C4orf17: variants seen among roughly 807,000 people sequenced by gnomAD.
C4orf17 encodes the protein chromosome 4 open reading frame 17, also known as uncharacterized protein C4orf17.
In C4orf17, 25 loss-of-function variants were observed where a neutral mutation model predicts 32.0. That is an observed-to-expected ratio of 0.78 (90% confidence interval 0.57 to 1.09). The LOEUF (loss-of-function observed/expected upper bound fraction) is 1.09, where lower values mean the gene tolerates loss of function less well. C4orf17 is among the 50% of genes least tolerant of loss of function. The pLI is 0.00. For synonymous variants in C4orf17, 149 were observed against 145.8 expected (o/e 1.02, Z -0.16); for missense variants, 420 against 420.0 (o/e 1.00, Z 0.00).
Position 99,518,575 on chromosome 4 carries a change from AGAGAGAGAGGGAGG to A in C4orf17, c.128-3920_128-3907del, listed in dbSNP as rs1396384525. The stretch of plus-strand genomic sequence containing the variant: ...GAGAGAGAGAGAGAGAGAGAGAGAG[AGAGAGAGAGGGAGG>A]GAGACAGAGAGAGAGAGAGACTGTT... On this transcript the variant is annotated intron_variant, in intron 2 of 8. Transcript: ENST00000326581. 1.1e-3 allele frequency among the ~76,000 whole-genome samples: 135 copies of A among 125,804 alleles called. 1 individual carries two copies. Among genetic ancestry groups the A allele is most frequent in the African/African-American group, 2.3e-3 (65 of 28,248 alleles). The allele number at this position is 125,804 out of a possible 152,430, so 82.5% of individuals were successfully genotyped here.
intron 2 of C4orf17, among the ~76,000 whole-genome samples, chr4:99,519,898 A>G (rs896002005): frequency 6.6e-6 from 1 of 152,162 alleles, no homozygotes; most frequent in Non-Finnish European, 1.5e-5. Context: ...AAACAAATTC[A>G]AGGAAAATGG....
At chr4:99,533,984 A>G (rs893170995) in intron 5 of C4orf17, among the ~76,000 whole-genome samples, 3 of 152,098 alleles carry the variant, frequency 2.0e-5, no homozygotes, top group African/African-American at 7.2e-5. Flanking sequence ...TTTTCCCTCA[A>G]CTTTTATTTT....
At chr4:99,530,498 C>T (rs756385569) in intron 5 of C4orf17, among the ~76,000 whole-genome samples, 3 of 151,630 alleles carry the variant, frequency 2.0e-5, no homozygotes, top group African/African-American at 4.9e-5. Flanking sequence ...ATCAAGAATA[C>T]GTCAGTCAGC....
chr4:99,538,224 C>T (rs1033862701), intron 6 of C4orf17, among the ~76,000 whole-genome samples: 1 of 152,180 alleles, frequency 6.6e-6, no homozygotes, highest in Admixed American at 6.5e-5. Flanking sequence ...TCTTTTGGGC[C>T]CTTCCTGGCC....
intron 5 of C4orf17, among the ~76,000 whole-genome samples, chr4:99,536,640 G>A (rs569313614): frequency 1.3e-5 from 2 of 152,302 alleles, no homozygotes; most frequent in East Asian, 3.9e-4. Context: ...CTGGGAACTT[G>A]GTCCCATCAC....
intron 7 of C4orf17, 98 bp from the exon 8 acceptor site, chr4:99,540,314 G>T: frequency 1.4e-6 from 1 of 730,954 alleles, no homozygotes; most frequent in Non-Finnish European, 2.3e-6. Flanking sequence ...GCATATTTAA[G>T]ATACATATAC....
chr4:99,539,285 T>C lies in C4orf17; in HGVS notation c.751T>C (p.Ser251Pro). ...AETGKPPTVK[S>P]PPTVKLPPNF... is the part of the protein sequence containing the mutation. Reference sequence around the variant, plus strand: ...GACTGGGAAGCCACCCACAGTTAAATCACCACCCACAGTTAAATTGCCCCC... The same window carrying C: ...GACTGGGAAGCCACCCACAGTTAAACCACCACCCACAGTTAAATTGCCCCC... Residue 251 changes from serine to proline, a missense_variant, in exon 7 of 9, where the codon TCA becomes CCA. Physicochemically the swap from Ser to Pro is moderately conservative, Grantham distance 74 (BLOSUM62 -1). Transcript: ENST00000326581. 6.2e-6 allele frequency: 10 copies of C among 1,614,026 alleles called. No homozygotes were observed. Among genetic ancestry groups the C allele is most frequent in the Non-Finnish European group, 8.5e-6 (10 of 1,179,948 alleles).
intron 5 of C4orf17, among the ~76,000 whole-genome samples, chr4:99,534,412 G>A (rs1723527148): frequency 6.6e-6 from 1 of 152,070 alleles, no homozygotes; most frequent in Non-Finnish European, 1.5e-5. Context: ...CCATGACTTT[G>A]CTATTGCGAA....
At position 99,512,959 on chromosome 4, in the gene C4orf17, G is replaced by A. The variant is rs896110589; in HGVS notation, c.-93-30G>A. ...TATAAGAAAGTGACAAGAAACTCTT[G>A]TCAGAATGTTTGTCATTTTGTGATT... On this transcript the variant is annotated intron_variant, in intron 1 of 8. Transcript: ENST00000326581. The A allele has an allele frequency of 7.4e-6, 7 of 944,628 alleles. No individual in the cohort carries two copies. The African/African-American group carries it at 1.2e-4, about 16-fold the overall frequency. The allele number at this position is 944,628 out of a possible 1,614,324, so 58.5% of individuals were successfully genotyped here.
chr4:99,516,730 G>A (rs112102006), intron 2 of C4orf17, among the ~76,000 whole-genome samples: 3,771 of 152,242 alleles, frequency 0.025, 114 homozygotes, highest in Middle Eastern at 0.099. Flanking sequence ...ATGGGAAGTC[G>A]GGGTGGAGAA....
chr4:99,511,122 T>A lies in C4orf17; in HGVS notation c.-244T>A, dbSNP rs1217159586. The A allele has an allele frequency of 6.6e-6, 1 of 152,178 alleles. No individual in the cohort carries two copies. Among genetic ancestry groups the A allele is most frequent in the Non-Finnish European group, 1.5e-5 (1 of 68,016 alleles). The allele number at this position is 152,178 out of a possible 1,614,324, so 9.4% of individuals were successfully genotyped here. A position where few individuals can be genotyped will look rare whatever the true frequency, so the allele number is the denominator to read the frequency against. On this transcript the variant is annotated 5_prime_UTR_variant, in exon 1 of 9. Coordinates refer to ENST00000326581, the MANE Select transcript of C4orf17 (RefSeq NM_032149.3). ...TTCTTTTGGAAGCGTTCGAGATTGGTCTGTCTCTACCAACTAAAAACTTCT... is the reference window on the plus strand; with the variant it reads ...TTCTTTTGGAAGCGTTCGAGATTGGACTGTCTCTACCAACTAAAAACTTCT...
intron 6 of C4orf17, 121 bp downstream of exon 6, chr4:99,537,871 C>T (rs10516443): frequency 0.26 from 192,975 of 745,230 alleles, 26,158 homozygotes; most frequent in South Asian, 0.34. Flanking sequence ...ATATTATTTC[C>T]GCAATGTTTC....
chr4:99,511,415 CTTG>C (rs1723091457), intron 1 of C4orf17, 143 bp downstream of exon 1: 1 of 146,960 alleles, frequency 6.8e-6, no homozygotes, highest in Non-Finnish European at 1.5e-5. Flanking sequence ...ACATTGTTTT[CTTG>C]TTGACTTTTT....
At chr4:99,532,610 C>T (rs750632142) in intron 5 of C4orf17, among the ~76,000 whole-genome samples, 9 of 152,074 alleles carry the variant, frequency 5.9e-5, no homozygotes, top group Admixed American at 4.6e-4. Context: ...TCACTATTTG[C>T]GTGATGGAGT....
intron 2 of C4orf17, among the ~76,000 whole-genome samples, chr4:99,519,987 A>G (rs1284538832): frequency 6.6e-6 from 1 of 152,220 alleles, no homozygotes; most frequent in African/African-American, 2.4e-5. Flanking sequence ...ATGTCACTGT[A>G]AAGAAGTCAT....
intron 2 of C4orf17, among the ~76,000 whole-genome samples, chr4:99,520,449 T>G (rs1293138179): frequency 6.6e-6 from 1 of 152,202 alleles, no homozygotes; most frequent in South Asian, 2.1e-4. Flanking sequence ...ACAAATAGTA[T>G]TACATTGAAG....
chr4:99,538,391 C>T (rs1020984979), intron 6 of C4orf17, among the ~76,000 whole-genome samples: 2 of 152,204 alleles, frequency 1.3e-5, no homozygotes, highest in African/African-American at 2.4e-5. Context: ...CTGACAAGTT[C>T]TCAGGTGATG....
Position 99,522,697 on chromosome 4 carries a change from C to A in C4orf17, c.325C>A (p.Arg109=), listed in dbSNP as rs558922204. 1 of 1,613,152 alleles carries A rather than the reference C, an allele frequency of 6.2e-7. No individual in the cohort carries two copies. Among genetic ancestry groups the A allele is most frequent in the South Asian group, 1.1e-5 (1 of 91,000 alleles). The change falls in exon 3 of 9, where the codon CGG becomes AGG. Residue 109 remains arginine, a synonymous_variant. Transcript: ENST00000326581. The part of the protein sequence containing the change: ...PAPNGAKVPP[R]PHSEPSRKIK... ...CCCAAACGGTGCCAAAGTGCCTCCACGGCCTCATTCTGGTGAGTTGAGTTA... is the reference window on the plus strand; with the variant it reads ...CCCAAACGGTGCCAAAGTGCCTCCAAGGCCTCATTCTGGTGAGTTGAGTTA...
chr4:99,519,672 T>G (rs1490679143), intron 2 of C4orf17, among the ~76,000 whole-genome samples: 3 of 152,196 alleles, frequency 2.0e-5, no homozygotes, highest in Non-Finnish European at 4.4e-5. Context: ...CCTGAGCAAT[T>G]GATTTCATTC....
Sources: allele counts gnomAD v4.1 joint callset (sites outside exome capture counted in the v4.1 genomes callset), GRCh38; gene constraint gnomAD v4.1.1; transcripts MANE v1.5; gene names NCBI Gene and HGNC (gene_info 2026-07-23, HGNC 2026-07-21).